MAGI2: variants seen among roughly 807,000 people sequenced by gnomAD.
MAGI2 encodes the protein membrane associated guanylate kinase, WW and PDZ domain containing 2.
MAGI2 carries 35 observed loss-of-function variants against 133.3 expected under a neutral mutation model. That is an observed-to-expected ratio of 0.26 (90% CI 0.20 to 0.35). The LOEUF (loss-of-function observed/expected upper bound fraction) is 0.35. MAGI2 is among the 10% of genes least tolerant of loss of function. The probability of loss-of-function intolerance (pLI) is 1.00; values close to 1 mark genes in which losing one functional copy is unlikely to be tolerated. For synonymous variants in MAGI2, 729 were observed against 710.6 expected (o/e 1.03, Z -0.41); for missense variants, 1,636 against 1,863.4 (o/e 0.88, Z 2.25).
chr7:79,161,305 A>G (rs933408723), intron 1 of MAGI2, among the ~76,000 whole-genome samples: 6 of 152,006 alleles, frequency 3.9e-5, no homozygotes, highest in African/African-American at 1.4e-4. Flanking sequence ...CACAAAGTAT[A>G]GGGTAAAAGC....
At chr7:79,056,845 C>A (rs1813191776) in intron 1 of MAGI2, among the ~76,000 whole-genome samples, 1 of 152,214 alleles carries the variant, frequency 6.6e-6, no homozygotes, top group Non-Finnish European at 1.5e-5. Flanking sequence ...CAAATCCATG[C>A]TTCCCCTAGG....
In MAGI2 at chr7:79,274,484, G is replaced by A. The variant is rs572375796; in HGVS notation, c.301+178536C>T. ...AAGCAATTTAAGCACATGGTTTTCC[G>A]TGAGGAACCAGATTAGGAAATGTGG... On this transcript the variant is annotated intron_variant, in intron 1 of 21. Transcript: ENST00000354212. 2.2e-4 allele frequency among the ~76,000 whole-genome samples: 34 copies of A among 151,994 alleles called. No individual in the cohort carries two copies. The South Asian group carries it at 5.2e-3, about 23-fold the overall frequency.
At chr7:79,003,827 A>G (rs527807444) in intron 2 of MAGI2, among the ~76,000 whole-genome samples, 64 of 152,320 alleles carry the variant, frequency 4.2e-4, no homozygotes, top group African/African-American at 1.3e-3. Context: ...AGACATGCAA[A>G]TGGCCAAAAG....
chr7:78,525,616 A>C (rs757651953), intron 3 of MAGI2, among the ~76,000 whole-genome samples: 1 of 152,242 alleles, frequency 6.6e-6, no homozygotes, highest in Non-Finnish European at 1.5e-5. Flanking sequence ...CAGACGAAAA[A>C]ACAAAACCTC....
At chr7:78,191,503 G>C (rs1390094029) in intron 12 of MAGI2, among the ~76,000 whole-genome samples, 1 of 152,286 alleles carries the variant, frequency 6.6e-6, no homozygotes, top group East Asian at 1.9e-4. Flanking sequence ...AATGAGCAGA[G>C]GTTATTTTTC....
chr7:78,769,052 T>G (rs1242802416), intron 2 of MAGI2, among the ~76,000 whole-genome samples: 1 of 152,190 alleles, frequency 6.6e-6, no homozygotes, highest in Non-Finnish European at 1.5e-5. Context: ...GTGTGGCTGC[T>G]GTAGCACCTC....
At chr7:79,037,219 G>C (rs1257574489) in intron 1 of MAGI2, among the ~76,000 whole-genome samples, 1 of 152,050 alleles carries the variant, frequency 6.6e-6, no homozygotes, top group Non-Finnish European at 1.5e-5. Flanking sequence ...TATTATGTGG[G>C]GAAAAAATGT....
At chr7:79,214,393 CTCTCTCTCTCTCTCTA>C (rs1443926694) in intron 1 of MAGI2, among the ~76,000 whole-genome samples, 32 of 91,754 alleles carry the variant, frequency 3.5e-4, no homozygotes, top group East Asian at 9.8e-4. Context: ...CTCTCTCTCT[CTCTCTCTCTCTCTCTA>C]TATATATATA....
intron 1 of MAGI2, among the ~76,000 whole-genome samples, chr7:79,129,374 G>A (rs7803596): frequency 0.019 from 2,957 of 152,110 alleles, 113 homozygotes; most frequent in African/African-American, 0.068. Flanking sequence ...TCATAAATTG[G>A]GAACTGTCTT....
intron 1 of MAGI2, among the ~76,000 whole-genome samples, chr7:79,167,397 CAAAAAA>C (rs10542271): frequency 6.7e-4 from 57 of 84,738 alleles, no homozygotes; most frequent in African/African-American, 2.0e-3. Context: ...CCAAAAATGG[CAAAAAA>C]AAAAAAAAAA....
intron 4 of MAGI2, among the ~76,000 whole-genome samples, chr7:78,514,195 T>C (rs978446845): frequency 2.7e-5 from 4 of 148,644 alleles, no homozygotes; most frequent in Non-Finnish European, 4.5e-5. Context: ...CTTCTAAAAC[T>C]AGTCCTGATT....
intron 21 of MAGI2, among the ~76,000 whole-genome samples, chr7:78,039,113 T>C (rs1219442295): frequency 6.6e-6 from 1 of 152,202 alleles, no homozygotes; most frequent in Non-Finnish European, 1.5e-5. Flanking sequence ...AACACATTCC[T>C]GAGATTTGCA....
intron 2 of MAGI2, among the ~76,000 whole-genome samples, chr7:78,751,521 T>C (rs1200652422): frequency 1.3e-5 from 2 of 152,218 alleles, no homozygotes; most frequent in East Asian, 1.9e-4. Flanking sequence ...GCAATTACAA[T>C]TTAATGCTTC....
At chr7:78,903,531 A>G (rs1214791511) in intron 2 of MAGI2, among the ~76,000 whole-genome samples, 1 of 152,166 alleles carries the variant, frequency 6.6e-6, no homozygotes, top group Non-Finnish European at 1.5e-5. Context: ...CTTTGAAGGT[A>G]CATTTCCCAC....
intron 6 of MAGI2, among the ~76,000 whole-genome samples, chr7:78,467,184 T>G (rs1790719472): frequency 6.6e-6 from 1 of 152,106 alleles, no homozygotes; most frequent in African/African-American, 2.4e-5. Context: ...CTCTGTCACA[T>G]TTGGAGTGCT....
At chr7:78,201,521 T>C (rs745985480) in intron 10 of MAGI2, among the ~76,000 whole-genome samples, 8 of 152,180 alleles carry the variant, frequency 5.3e-5, no homozygotes, top group Non-Finnish European at 1.0e-4. Flanking sequence ...ACAGCCTTAG[T>C]GGGAAAGAGA....
intron 2 of MAGI2, among the ~76,000 whole-genome samples, chr7:78,968,077 T>C (rs111642589): frequency 0.027 from 4,064 of 152,208 alleles, 178 homozygotes; most frequent in African/African-American, 0.091. Flanking sequence ...GTGATCCTCC[T>C]GCCTCAACTT....
intron 9 of MAGI2, among the ~76,000 whole-genome samples, chr7:78,299,409 G>A (rs1797630457): frequency 6.6e-6 from 1 of 152,120 alleles, no homozygotes; most frequent in African/African-American, 2.4e-5. Flanking sequence ...TTTAATGGCT[G>A]TAAACATTAT....
At chr7:79,203,813 ATTAAC>A (rs1246270185) in intron 1 of MAGI2, among the ~76,000 whole-genome samples, 1 of 152,050 alleles carries the variant, frequency 6.6e-6, no homozygotes, top group African/African-American at 2.4e-5. Flanking sequence ...AGCATCTTAA[ATTAAC>A]TTTGTTTCTT....
Sources: allele counts gnomAD v4.1 joint callset (sites outside exome capture counted in the v4.1 genomes callset), GRCh38; gene constraint gnomAD v4.1.1; transcripts MANE v1.5; gene names NCBI Gene and HGNC (gene_info 2026-07-23, HGNC 2026-07-21).